Variants in NKIRAS1 observed in about 807,000 individuals in gnomAD.
NKIRAS1 encodes NFKB inhibitor interacting Ras like 1.
NKIRAS1 carries 16 observed loss-of-function variants against 19.8 expected under a neutral mutation model. The ratio of observed to expected loss-of-function variants is 0.81; its 90% CI spans 0.55 to 1.23. The LOEUF (loss-of-function observed/expected upper bound fraction) is 1.23, where lower values mean the gene tolerates loss of function less well. Ranked by LOEUF, NKIRAS1 falls within the 50% of genes most tolerant of loss-of-function variation. The pLI, the probability that NKIRAS1 is intolerant of heterozygous loss-of-function variation, is 0.00. For missense variants in NKIRAS1, 184 were observed against 220.0 expected, an observed-to-expected ratio of 0.84 and a Z score of 1.04; for synonymous variants, 88 against 79.0, an observed-to-expected ratio of 1.11 and a Z score of -0.61.
At position 23,927,529 on chromosome 3, in the gene NKIRAS1, A is replaced by T. The variant is rs936501339; in HGVS notation, c.-139-16079T>A. Among the ~76,000 whole-genome samples the T allele has an allele frequency of 1.3e-5, 2 of 152,222 alleles. No homozygotes were observed. The highest frequency in any genetic ancestry group is 2.9e-5 in the Non-Finnish European group (2 of 68,046). ...ACGGCAACTCACTCCTCCAAAACTG[A>T]TGAAAGCATTTGATTTAATTGGCAT... is the stretch of plus-strand genomic sequence containing the variant. On this transcript the variant is annotated intron_variant, in intron 1 of 4. Transcript: ENST00000421515. The surrounding 1 kb of genome is among the most constrained non-coding windows in gnomAD (Gnocchi z 4.0).
Position 23,916,348 on chromosome 3 carries a change from C to T in NKIRAS1, c.-140+436G>A, listed in dbSNP as rs573256323. ...GCAACGCAAAATGCCAGCATTTTCT[C>T]GGCATTTCTTCTCTAAAACATTCAC... On this transcript the variant is annotated intron_variant, in intron 1 of 4. Transcript: ENST00000425478. 4 of 152,292 alleles carry T rather than the reference C, an allele frequency of 2.6e-5. No individual in the cohort carries two copies. The South Asian group carries it at 8.3e-4, about 32-fold the overall frequency. 9.4% of individuals were successfully genotyped at this position (152,292 alleles called of 1,614,324 possible).
At chr3:23,917,799 T>C, upstream of NKIRAS1, 7 of 1,520,160 alleles carry the variant, frequency 4.6e-6, no homozygotes, top group Admixed American at 2.0e-5. Context: ...GATACAGTCG[T>C]CTTATTGTAC....
At chr3:23,907,592 CAGT>C (rs1269097521) in intron 3 of NKIRAS1, among the ~76,000 whole-genome samples, 1 of 152,184 alleles carries the variant, frequency 6.6e-6, no homozygotes, top group Admixed American at 6.5e-5. Flanking sequence ...GTTGCAAAAG[CAGT>C]GGTGGGTAAA....
chr3:23,920,993 C>G (rs1396843596), upstream of NKIRAS1: 2 of 156,880 alleles, frequency 1.3e-5, no homozygotes, highest in Non-Finnish European at 2.8e-5. Context: ...TCTCTCAGTT[C>G]TTTGATCATT....
At position 23,926,062 on chromosome 3, in the gene NKIRAS1, A is replaced by T. The variant is rs765797697; in HGVS notation, c.-139-14612T>A. 1.5e-4 allele frequency among the ~76,000 whole-genome samples: 23 copies of T among 151,928 alleles called. No homozygotes were observed. Among genetic ancestry groups the T allele is most frequent in the African/African-American group, 2.9e-4 (12 of 41,352 alleles). On this transcript the variant is annotated intron_variant, in intron 1 of 4. Coordinates refer to the NKIRAS1 transcript ENST00000421515. The surrounding 1 kb of genome is among the most constrained non-coding windows in gnomAD (Gnocchi z 4.3). Reference sequence around the variant, plus strand: ...TATTTTTATTTTTATTTATTTATTTATTTTTTGAGACAGCGTCTTGCTCTG... The same window carrying T: ...TATTTTTATTTTTATTTATTTATTTTTTTTTTGAGACAGCGTCTTGCTCTG...
intron 4 of NKIRAS1, among the ~76,000 whole-genome samples, chr3:23,896,889 T>C (rs959431690): frequency 1.3e-5 from 2 of 150,706 alleles, no homozygotes; most frequent in African/African-American, 2.4e-5. Context: ...AGGTACAGGA[T>C]AGTATGCCAC....
upstream of NKIRAS1, chr3:23,920,375 C>T (rs142052173): frequency 1.1e-5 from 11 of 985,342 alleles, no homozygotes; most frequent in East Asian, 1.1e-4. Context: ...AAGTCACAAG[C>T]GCATGGTTTC....
At position 23,898,432 on chromosome 3, in the gene NKIRAS1, A is replaced by C. The variant is rs547000027; in HGVS notation, c.336+2376T>G. ...AAAAAAGCCAATCCCAAAAGATTAC[A>C]TATTGTATGATTTTTTTTTTTTTTT... is the stretch of plus-strand genomic sequence containing the variant. On this transcript the variant is annotated intron_variant, in intron 4 of 4. Coordinates refer to ENST00000425478, the MANE Select transcript of NKIRAS1 (RefSeq NM_020345.4). 2.0e-5 allele frequency among the ~76,000 whole-genome samples: 3 copies of C among 151,580 alleles called. No homozygotes were observed. In the South Asian group the frequency reaches 6.3e-4, roughly 32 times the overall value.
At chr3:23,914,171 T>A (rs1704057061) in intron 1 of NKIRAS1, among the ~76,000 whole-genome samples, 1 of 144,718 alleles carries the variant, frequency 6.9e-6, no homozygotes. Flanking sequence ...AACTTGAGGC[T>A]AAAAAAAAAA....
upstream of NKIRAS1, chr3:23,919,666 G>T (rs1455029715): frequency 2.1e-6 from 3 of 1,405,744 alleles, no homozygotes; most frequent in Admixed American, 3.0e-5. Context: ...ATAAGTGGTG[G>T]TGTATCTTGT....
chr3:23,913,344 A>T (rs1361114281), intron 1 of NKIRAS1, among the ~76,000 whole-genome samples: 1 of 152,156 alleles, frequency 6.6e-6, no homozygotes, highest in South Asian at 2.1e-4. Flanking sequence ...GACAGAACAG[A>T]CCTCATTAAA....
intron 1 of NKIRAS1, among the ~76,000 whole-genome samples, chr3:23,945,889 G>A (rs1158532383): frequency 2.0e-5 from 3 of 150,570 alleles, no homozygotes; most frequent in Non-Finnish European, 4.4e-5. Flanking sequence ...TCGGCGGCGC[G>A]CGGGCGCCGG....
intron 4 of NKIRAS1, among the ~76,000 whole-genome samples, chr3:23,893,797 T>TC (rs1352129393): frequency 2.2e-5 from 1 of 45,366 alleles, no homozygotes; most frequent in Non-Finnish European, 3.6e-5. Flanking sequence ...AGACTCCATC[T>TC]CAAAAAAAAA....
At chr3:23,910,055 C>T (rs973529046) in intron 3 of NKIRAS1, among the ~76,000 whole-genome samples, 9 of 151,870 alleles carry the variant, frequency 5.9e-5, no homozygotes, top group African/African-American at 2.2e-4. Flanking sequence ...GACGGGGTTT[C>T]ACCATGTTGT....
At chr3:23,907,190 G>A (rs746418052) in intron 3 of NKIRAS1, among the ~76,000 whole-genome samples, 1 of 152,110 alleles carries the variant, frequency 6.6e-6, no homozygotes, top group Non-Finnish European at 1.5e-5. Flanking sequence ...CACCACACCC[G>A]GCTTCTTCCT....
chr3:23,936,603 G>T (rs1271109264), intron 1 of NKIRAS1, among the ~76,000 whole-genome samples: 13 of 152,088 alleles, frequency 8.5e-5, no homozygotes, highest in Non-Finnish European at 4.4e-5. Context: ...CTGGAGTGCA[G>T]TGGTGCGATC....
chr3:23,894,185 ACAG>A (rs1156585317), intron 4 of NKIRAS1, among the ~76,000 whole-genome samples: 2 of 152,250 alleles, frequency 1.3e-5, no homozygotes, highest in Admixed American at 1.3e-4. Flanking sequence ...GTGACAGAAT[ACAG>A]CAGTCAAAGC....
upstream of NKIRAS1, chr3:23,918,444 C>T (rs192491916): frequency 1.7e-5 from 27 of 1,612,226 alleles, no homozygotes; most frequent in East Asian, 4.2e-4. Flanking sequence ...GTGTAGGTTA[C>T]GTTATATATA....
intron 3 of NKIRAS1, among the ~76,000 whole-genome samples, chr3:23,909,230 C>T (rs1302412253): frequency 6.6e-6 from 1 of 152,082 alleles, no homozygotes; most frequent in Non-Finnish European, 1.5e-5. Flanking sequence ...TAATGAAAAA[C>T]AGAAATGTGG....
Sources: gnomAD v4.1 joint callset for allele counts (sites outside exome capture counted in the v4.1 genomes callset) on GRCh38, gnomAD v4.1.1 for gene constraint, Gnocchi (gnomAD v3.1) non-coding constraint, MANE v1.5 for transcripts, NCBI Gene and HGNC (gene_info 2026-07-23, HGNC 2026-07-21) for gene names.